Variants in SMYD3 observed in about 807,000 individuals in gnomAD.
The protein encoded by SMYD3 is histone-lysine N-methyltransferase SMYD3.
In SMYD3, 36 loss-of-function variants were observed where a neutral mutation model predicts 57.7. The observed-to-expected ratio is 0.62, with a 90% confidence interval of 0.48 to 0.82. The LOEUF (loss-of-function observed/expected upper bound fraction) is 0.82. SMYD3 is among the 40% of genes least tolerant of loss of function. The probability of loss-of-function intolerance (pLI) is 0.00; values close to 1 mark genes in which losing one functional copy is unlikely to be tolerated. For synonymous variants in SMYD3, 211 were observed against 195.0 expected (o/e 1.08, Z -0.68); for missense variants, 515 against 538.8 (o/e 0.96, Z 0.44).
chr1:246,011,724 G>T (rs2059284670), intron 5 of SMYD3, among the ~76,000 whole-genome samples: 2 of 152,076 alleles, frequency 1.3e-5, no homozygotes, highest in African/African-American at 4.8e-5. Flanking sequence ...GGGTGGAGGG[G>T]CACTGGCTCT....
intron 10 of SMYD3, among the ~76,000 whole-genome samples, chr1:245,783,756 T>C (rs1390405358): frequency 6.6e-6 from 1 of 152,060 alleles, no homozygotes; most frequent in African/African-American, 2.4e-5. Context: ...AAGACATACA[T>C]GAAAACCAAA....
intron 5 of SMYD3, among the ~76,000 whole-genome samples, chr1:246,116,132 C>T (rs1248067060): frequency 6.8e-6 from 1 of 148,000 alleles, no homozygotes; most frequent in Admixed American, 6.6e-5. Context: ...AAGGGCGAAA[C>T]TCTGTCTAAA....
At chr1:246,411,642 G>A (rs6671121) in intron 1 of SMYD3, among the ~76,000 whole-genome samples, 1 of 152,140 alleles carries the variant, frequency 6.6e-6, no homozygotes, top group South Asian at 2.1e-4. Context: ...ATACTATGCA[G>A]CCATAAAAAA....
chr1:245,752,212 A>G (rs2045415531), intron 11 of SMYD3, among the ~76,000 whole-genome samples: 1 of 152,232 alleles, frequency 6.6e-6, no homozygotes, highest in Non-Finnish European at 1.5e-5. Context: ...TGGCAAAGGA[A>G]GATGAATGGG....
chr1:246,312,798 G>C (rs1373402630), intron 5 of SMYD3, among the ~76,000 whole-genome samples: 2 of 152,194 alleles, frequency 1.3e-5, no homozygotes, highest in African/African-American at 2.4e-5. Flanking sequence ...AAACAAACTG[G>C]TGAGACAGGC....
chr1:246,330,473 C>A lies in SMYD3; in HGVS notation c.394+7G>T. On this transcript the variant is annotated splice_region_variant and intron_variant, in intron 4 of 11. Coordinates refer to ENST00000490107, the MANE Select transcript of SMYD3 (RefSeq NM_001167740.2). Reference sequence around the variant, plus strand: ...CTTTTTTAAGATGCTGATAGACAATCACTTACTTGACTCCAGATCATAAAA... The same window carrying A: ...CTTTTTTAAGATGCTGATAGACAATAACTTACTTGACTCCAGATCATAAAA... 1 of 1,574,714 alleles carries A rather than the reference C, an allele frequency of 6.4e-7. No homozygotes were observed. The highest frequency in any genetic ancestry group is 1.2e-5 in the South Asian group (1 of 80,518).
At chr1:246,088,013 C>A (rs536745041) in intron 5 of SMYD3, among the ~76,000 whole-genome samples, 1 of 152,074 alleles carries the variant, frequency 6.6e-6, no homozygotes, top group Non-Finnish European at 1.5e-5. Context: ...AAAAAAAGAG[C>A]AATCACTTGT....
chr1:245,758,869 G>A (rs532171772), intron 11 of SMYD3, among the ~76,000 whole-genome samples: 5 of 152,264 alleles, frequency 3.3e-5, no homozygotes, highest in African/African-American at 1.2e-4. Flanking sequence ...TTGGCATAGT[G>A]AGTGATTTTT....
chr1:246,446,305 A>G (rs1236453613), intron 1 of SMYD3, among the ~76,000 whole-genome samples: 2 of 152,234 alleles, frequency 1.3e-5, no homozygotes, highest in African/African-American at 4.8e-5. Flanking sequence ...ACAATGATAT[A>G]TCCATAAAAA....
At chr1:246,413,998 AT>A (rs1472143502) in intron 1 of SMYD3, among the ~76,000 whole-genome samples, 1 of 152,256 alleles carries the variant, frequency 6.6e-6, no homozygotes, top group African/African-American at 2.4e-5. Flanking sequence ...GTAATATTGA[AT>A]ATGAAGTGAT....
intron 5 of SMYD3, among the ~76,000 whole-genome samples, chr1:246,145,657 T>C (rs1419398355): frequency 6.6e-6 from 1 of 152,196 alleles, no homozygotes; most frequent in Non-Finnish European, 1.5e-5. Context: ...TAACATTCAG[T>C]AAGTAGCGTA....
chr1:245,766,264 G>T (rs146011743), intron 10 of SMYD3, among the ~76,000 whole-genome samples: 1,644 of 152,030 alleles, frequency 0.011, 14 homozygotes, highest in Middle Eastern at 0.02. Flanking sequence ...TTAGCTGGAC[G>T]TGGTGGCAGG....
intron 5 of SMYD3, among the ~76,000 whole-genome samples, chr1:245,999,095 A>G (rs767198739): frequency 6.6e-6 from 1 of 152,150 alleles, no homozygotes; most frequent in Non-Finnish European, 1.5e-5. Context: ...GATGTAATTA[A>G]TATCACTGAA....
intron 1 of SMYD3, among the ~76,000 whole-genome samples, chr1:246,450,358 GA>G (rs1387033371): frequency 6.6e-6 from 1 of 151,568 alleles, no homozygotes; most frequent in Non-Finnish European, 1.5e-5. Context: ...AGTTTCAACT[GA>G]TAAATAACTC....
chr1:245,915,479 T>C, intron 8 of SMYD3, 51 bp downstream of exon 8: 1 of 1,155,822 alleles, frequency 8.7e-7, no homozygotes, highest in East Asian at 2.4e-5. Flanking sequence ...TCTCTGAAGA[T>C]CATTGAGATT....
In SMYD3 at chr1:246,002,453, G is replaced by A. The variant is rs1323091578; in HGVS notation, c.532-72516C>T. On this transcript the variant is annotated intron_variant, in intron 5 of 11. Transcript: ENST00000490107. ...CCCGCCTCGGCCTCCCAAAGTGCTG[G>A]GATTACAGGCGCCCGCCACCACGCC... Among the ~76,000 whole-genome samples the A allele has an allele frequency of 6.1e-5, 3 of 49,504 alleles. 1 individual carries two copies. Among genetic ancestry groups the A allele is most frequent in the Non-Finnish European group, 1.4e-4 (3 of 20,858 alleles). The allele number at this position is 49,504 out of a possible 152,430, so 32.5% of individuals were successfully genotyped here.
chr1:245,974,576 C>T (rs1395456759), intron 5 of SMYD3, among the ~76,000 whole-genome samples: 9 of 1,262 alleles, frequency 7.1e-3, no homozygotes, highest in African/African-American at 0.027. Context: ...CCATCGTCTC[C>T]GGCCCAGGGA....
intron 5 of SMYD3, among the ~76,000 whole-genome samples, chr1:246,241,419 G>C (rs754982295): frequency 2.7e-4 from 41 of 152,182 alleles, no homozygotes; most frequent in Non-Finnish European, 4.4e-4. Flanking sequence ...TGTTGAACCA[G>C]CCTTGCATCC....
chr1:246,441,105 C>A (rs574847226), intron 1 of SMYD3, among the ~76,000 whole-genome samples: 111 of 152,284 alleles, frequency 7.3e-4, no homozygotes, highest in African/African-American at 2.6e-3. Context: ...TTCGTAAGTA[C>A]ACGCACATTC....
Sources: allele counts gnomAD v4.1 joint callset (sites outside exome capture counted in the v4.1 genomes callset), GRCh38; gene constraint gnomAD v4.1.1; transcripts MANE v1.5; gene names NCBI Gene and HGNC (gene_info 2026-07-23, HGNC 2026-07-21).